The following FRYL variants were observed in gnomAD, a reference collection of about 807,000 sequenced individuals.
FRYL encodes FRY like transcription coactivator.
A neutral mutation model predicts 351.2 loss-of-function variants in FRYL; 150 were observed. The observed-to-expected ratio is 0.43, with a 90% CI of 0.37 to 0.49. The LOEUF (loss-of-function observed/expected upper bound fraction) is 0.49, where lower values mean the gene tolerates loss of function less well. Ranked by LOEUF, FRYL falls within the 20% of genes least tolerant of loss-of-function variation. The pLI, the probability that FRYL is intolerant of heterozygous loss-of-function variation, is 0.00. For missense variants in FRYL, 3,036 were observed against 3,619.3 expected, an observed-to-expected ratio of 0.84 and a Z score of 4.13; for synonymous variants, 1,153 against 1,257.1, an observed-to-expected ratio of 0.92 and a Z score of 1.75.
intron 1 of FRYL, among the ~76,000 whole-genome samples, chr4:48,720,809 T>C (rs1244949781): frequency 6.6e-6 from 1 of 152,212 alleles, no homozygotes; most frequent in East Asian, 1.9e-4. Flanking sequence ...TATGTTGTTA[T>C]TTACTGTTTC....
At position 48,567,144 on chromosome 4, in the gene FRYL, G is replaced by A; in HGVS notation, c.3169+104C>T. The A allele has an allele frequency of 1.1e-6, 1 of 887,598 alleles. No individual in the cohort carries two copies. Among genetic ancestry groups the A allele is most frequent in the Non-Finnish European group, 1.7e-6 (1 of 597,818 alleles). The allele number at this position is 887,598 out of a possible 1,614,324, so 55.0% of individuals were successfully genotyped here. On this transcript the variant is annotated intron_variant, in intron 28 of 63. Transcript: ENST00000358350. This position sits in a 1 kb window ranked among gnomAD's most constrained non-coding sequence, Gnocchi z 4.2. ...TTATGCTGACATATTTTTCCAGTAT[G>A]TTCATACGTTACTTTATCAACTTAG...
chr4:48,524,794 T>A (rs1418526708), intron 53 of FRYL, among the ~76,000 whole-genome samples: 1 of 152,084 alleles, frequency 6.6e-6, no homozygotes, highest in East Asian at 1.9e-4. Flanking sequence ...CATTTACAGT[T>A]CTCTTTAAAC....
intron 2 of FRYL, among the ~76,000 whole-genome samples, chr4:48,707,865 G>T (rs1248396565): frequency 6.6e-6 from 1 of 150,712 alleles, no homozygotes; most frequent in Non-Finnish European, 1.5e-5. Flanking sequence ...CTGTCTCCCA[G>T]GCTGGAGTGC....
intron 3 of FRYL, chr4:48,638,204 T>C (rs547152585): frequency 6.6e-6 from 1 of 152,230 alleles, no homozygotes; most frequent in East Asian, 1.9e-4. Context: ...TACACAAATA[T>C]TATATGCATA....
chr4:48,735,712 A>G (rs1250000819), intron 1 of FRYL, among the ~76,000 whole-genome samples: 1 of 33,810 alleles, frequency 3.0e-5, no homozygotes, highest in African/African-American at 1.1e-4. Context: ...TCAGTAAACT[A>G]TCGCAAGAAC....
chr4:48,774,546 ATTT>A (rs1440410385), intron 1 of FRYL, among the ~76,000 whole-genome samples: 3 of 143,156 alleles, frequency 2.1e-5, no homozygotes, highest in Admixed American at 7.0e-5. Flanking sequence ...AATACAAATA[ATTT>A]TTTTTTTTTT....
At chr4:48,529,357 T>C (rs1387769761) in intron 50 of FRYL, among the ~76,000 whole-genome samples, 3 of 152,194 alleles carry the variant, frequency 2.0e-5, no homozygotes, top group South Asian at 2.1e-4. Flanking sequence ...CCAGTGCCTA[T>C]GCATGGCAGG....
rs1265059499 is a variant in FRYL, at chr4:48,573,055, A to AGGG, written c.2904+128_2904+130dup. On this transcript the variant is annotated intron_variant, in intron 26 of 63. Transcript: ENST00000358350. Reference sequence around the variant, plus strand: ...TTTCTGCATAAGATCTTCTGCGGGGAGGGGAAGTGTCTGCATCTTAAAAAG... The same window carrying AGGG: ...TTTCTGCATAAGATCTTCTGCGGGGAGGGGGGGAAGTGTCTGCATCTTAAAAAG... 3 of 614,264 alleles carry AGGG rather than the reference A, an allele frequency of 4.9e-6. No individual in the cohort carries two copies. In the African/African-American group the frequency reaches 5.7e-5, roughly 12 times the overall value. 38.1% of individuals were successfully genotyped at this position (614,264 alleles called of 1,614,324 possible). A position where few individuals can be genotyped will look rare whatever the true frequency, so the allele number is the denominator to read the frequency against.
intron 1 of FRYL, among the ~76,000 whole-genome samples, chr4:48,725,354 TGAGA>T (rs1211889285): frequency 1.3e-5 from 2 of 152,226 alleles, no homozygotes; most frequent in Non-Finnish European, 2.9e-5. Flanking sequence ...GTCTATCCTC[TGAGA>T]GAAAGAGAGA....
chr4:48,744,802 CAA>C (rs1425223144), intron 1 of FRYL, among the ~76,000 whole-genome samples: 1 of 152,100 alleles, frequency 6.6e-6, no homozygotes, highest in African/African-American at 2.4e-5. Flanking sequence ...GCGCTATTTG[CAA>C]AGATTACAAT....
intron 1 of FRYL, among the ~76,000 whole-genome samples, chr4:48,772,883 C>G (rs1022033530): frequency 5.9e-5 from 9 of 152,142 alleles, no homozygotes; most frequent in Admixed American, 4.6e-4. Flanking sequence ...CACTTTTAAC[C>G]TTTCTGAAGT....
intron 1 of FRYL, among the ~76,000 whole-genome samples, chr4:48,767,221 C>A (rs1488622409): frequency 6.6e-6 from 1 of 151,914 alleles, no homozygotes. Flanking sequence ...AGAGGAAGCA[C>A]GCACCGCCTT....
intron 1 of FRYL, among the ~76,000 whole-genome samples, chr4:48,766,935 A>AATTT (rs1446521366): frequency 3.3e-5 from 5 of 149,742 alleles, no homozygotes; most frequent in African/African-American, 1.2e-4. Flanking sequence ...TAAAATTATG[A>AATTT]ATTTTGATGT....
intron 3 of FRYL, among the ~76,000 whole-genome samples, chr4:48,652,262 T>C (rs889175305): frequency 3.3e-5 from 5 of 152,242 alleles, no homozygotes; most frequent in African/African-American, 1.2e-4. Flanking sequence ...TGTTCTTCTA[T>C]AAGAAGTTGT....
chr4:48,661,168 A>G (rs963799631), intron 3 of FRYL, among the ~76,000 whole-genome samples: 1 of 152,254 alleles, frequency 6.6e-6, no homozygotes, highest in Non-Finnish European at 1.5e-5. Context: ...CAACTTTTCT[A>G]TAAATCTAAA....
At chr4:48,745,997 ATGAGTCCTGAATT>A (rs1198760004) in intron 1 of FRYL, among the ~76,000 whole-genome samples, 1 of 152,246 alleles carries the variant, frequency 6.6e-6, no homozygotes, top group Non-Finnish European at 1.5e-5. Context: ...ACTGATTTCC[ATGAGTCCTGAATT>A]TGAGTCCTGA....
At chr4:48,653,906 C>T in intron 3 of FRYL, 2 of 1,249,594 alleles carry the variant, frequency 1.6e-6, no homozygotes, top group Non-Finnish European at 2.1e-6. Flanking sequence ...TTCTCACAGG[C>T]AGCAGAGTTT....
At chr4:48,519,734 C>T (rs1283454608) in intron 55 of FRYL, among the ~76,000 whole-genome samples, 3 of 149,986 alleles carry the variant, frequency 2.0e-5, no homozygotes, top group Non-Finnish European at 3.0e-5. Context: ...ATCTCTCTCT[C>T]GCTCTTTTTT....
At chr4:48,507,718 TA>T (rs796627713) in intron 59 of FRYL, among the ~76,000 whole-genome samples, 3,984 of 124,884 alleles carry the variant, frequency 0.032, 66 homozygotes, top group Admixed American at 0.062. Flanking sequence ...AGATAGATGA[TA>T]GATAGATAGA....
Sources: gnomAD v4.1 joint callset for allele counts (sites outside exome capture counted in the v4.1 genomes callset) on GRCh38, gnomAD v4.1.1 for gene constraint, Gnocchi (gnomAD v3.1) non-coding constraint, MANE v1.5 for transcripts, NCBI Gene and HGNC (gene_info 2026-07-23, HGNC 2026-07-21) for gene names.